TTLL7: variants seen among roughly 807,000 people sequenced by gnomAD.
TTLL7 encodes the protein tubulin polyglutamylase TTLL7.
In TTLL7, 53 loss-of-function variants were observed where a neutral mutation model predicts 120.2. That is an observed-to-expected ratio of 0.44 (90% CI 0.35 to 0.55). The LOEUF (loss-of-function observed/expected upper bound fraction) is 0.55, where lower values mean the gene tolerates loss of function less well. TTLL7 is among the 20% of genes least tolerant of loss of function. The pLI is 0.00. For synonymous variants in TTLL7, 353 were observed against 351.7 expected, an observed-to-expected ratio of 1.00 and a Z score of -0.04; for missense variants, 803 against 1,054.7, an observed-to-expected ratio of 0.76 and a Z score of 3.31.
intron 13 of TTLL7, among the ~76,000 whole-genome samples, chr1:83,918,758 A>G (rs1193285508): frequency 6.6e-6 from 1 of 152,156 alleles, no homozygotes; most frequent in Admixed American, 6.6e-5. Context: ...ACTTTAGGTA[A>G]AAAGTAATGT....
intron 19 of TTLL7, chr1:83,887,130 A>G (rs1655039698): frequency 1.4e-6 from 1 of 691,196 alleles, no homozygotes; most frequent in Non-Finnish European, 1.9e-6. Flanking sequence ...ACAAAGATCT[A>G]CATTACTCTG....
intron 16 of TTLL7, 152 bp from the exon 17 acceptor site, chr1:83,906,615 T>C (rs1472696050): frequency 9.3e-7 from 1 of 1,071,580 alleles, no homozygotes; most frequent in Non-Finnish European, 1.4e-6. Context: ...ACTTGTGAAT[T>C]CTTTGGATTA....
At chr1:83,916,107 G>A (rs1218465730) in intron 14 of TTLL7, among the ~76,000 whole-genome samples, 2 of 152,250 alleles carry the variant, frequency 1.3e-5, no homozygotes, top group East Asian at 1.9e-4. Flanking sequence ...TCTAGAACTA[G>A]AAATACCATT....
chr1:83,936,171 T>C (rs867290772), intron 8 of TTLL7, among the ~76,000 whole-genome samples: 1 of 152,136 alleles, frequency 6.6e-6, no homozygotes, highest in South Asian at 2.1e-4. Flanking sequence ...GTCTTGCTCG[T>C]TTACCTTCTC....
chr1:83,916,251 A>G (rs569100688), intron 14 of TTLL7, among the ~76,000 whole-genome samples: 12 of 152,144 alleles, frequency 7.9e-5, no homozygotes, highest in African/African-American at 2.7e-4. Context: ...CAAATGTTCA[A>G]CAATGATAGA....
intron 9 of TTLL7, among the ~76,000 whole-genome samples, chr1:83,932,564 C>T (rs576976723): frequency 4.1e-5 from 5 of 122,432 alleles, no homozygotes; most frequent in Admixed American, 8.8e-5. Context: ...CACACATAGG[C>T]GCGCGCACAC....
intron 6 of TTLL7, among the ~76,000 whole-genome samples, chr1:83,943,862 A>G (rs868405055): frequency 9.2e-5 from 14 of 152,190 alleles, no homozygotes; most frequent in African/African-American, 3.1e-4. Context: ...AAATTTGTTC[A>G]AAGAGCTAAC....
At chr1:83,893,790 C>T (rs967294564) in intron 18 of TTLL7, among the ~76,000 whole-genome samples, 2 of 152,064 alleles carry the variant, frequency 1.3e-5, no homozygotes, top group African/African-American at 4.8e-5. Context: ...GTTCCAGCTT[C>T]CTGCACTGTG....
At chr1:83,886,417 C>A (rs1321152977) in intron 19 of TTLL7, among the ~76,000 whole-genome samples, 4 of 151,914 alleles carry the variant, frequency 2.6e-5, no homozygotes, top group Admixed American at 6.6e-5. Context: ...ACAGTAATCA[C>A]CAACAGAAAG....
intron 14 of TTLL7, among the ~76,000 whole-genome samples, chr1:83,916,588 T>C (rs1440619120): frequency 1.3e-5 from 2 of 152,056 alleles, no homozygotes; most frequent in Non-Finnish European, 2.9e-5. Flanking sequence ...CATGTATACA[T>C]ATGTAACAAA....
At chr1:83,981,912 A>C (rs570599089) in intron 1 of TTLL7, among the ~76,000 whole-genome samples, 9 of 152,190 alleles carry the variant, frequency 5.9e-5, no homozygotes, top group Non-Finnish European at 1.3e-4. Flanking sequence ...TAAATTAAAA[A>C]TCAGCAAGGA....
chr1:83,998,748 A>C (rs1052948087), intron 1 of TTLL7, among the ~76,000 whole-genome samples, 183 bp downstream of exon 1: 1 of 152,060 alleles, frequency 6.6e-6, no homozygotes, highest in Non-Finnish European at 1.5e-5. Flanking sequence ...TCAGGGCACG[A>C]ATGGTGCTGA....
At chr1:83,992,791 CT>C (rs367737528) in intron 1 of TTLL7, among the ~76,000 whole-genome samples, 2,861 of 101,500 alleles carry the variant, frequency 0.028, 29 homozygotes, top group African/African-American at 0.06. Flanking sequence ...TATTCAAGTT[CT>C]TTTTTTTTTT....
At chr1:83,988,097 C>T (rs968966324) in intron 1 of TTLL7, among the ~76,000 whole-genome samples, 18 of 152,120 alleles carry the variant, frequency 1.2e-4, no homozygotes, top group African/African-American at 3.9e-4. Context: ...CATGAGTACC[C>T]AATGTTTAGC....
At chr1:83,907,859 G>A (rs1283361787) in intron 15 of TTLL7, among the ~76,000 whole-genome samples, 198 bp from the exon 16 acceptor site, 1 of 152,038 alleles carries the variant, frequency 6.6e-6, no homozygotes, top group Non-Finnish European at 1.5e-5. Context: ...AAGAACCCCT[G>A]TAATGTATAA....
chr1:83,955,125 C>T (rs2100869875), intron 1 of TTLL7, among the ~76,000 whole-genome samples: 1 of 152,264 alleles, frequency 6.6e-6, no homozygotes, highest in South Asian at 2.1e-4. Flanking sequence ...ACATAAAATA[C>T]CACTTTTTCC....
In TTLL7 at chr1:83,924,733, G is replaced by A. The variant is rs946469110; in HGVS notation, c.1143-3339C>T. On this transcript the variant is annotated intron_variant, in intron 10 of 20. Transcript: ENST00000260505. ...TAAAATGGTAAATATTATGTTAAGG[G>A]TATTTTACCACAATTTAAAAAAGTC... 5.1e-4 allele frequency among the ~76,000 whole-genome samples: 77 copies of A among 152,060 alleles called. 1 individual carries two copies. The highest frequency in any genetic ancestry group is 1.8e-3 in the African/African-American group (75 of 41,378).
intron 1 of TTLL7, among the ~76,000 whole-genome samples, chr1:83,993,806 T>C (rs1326124631): frequency 1.3e-5 from 2 of 152,206 alleles, no homozygotes; most frequent in African/African-American, 2.4e-5. Context: ...GCCAAAACAA[T>C]TCCAATATCT....
At position 83,923,235 on chromosome 1, in the gene TTLL7, A is replaced by G. The variant is rs147264214; in HGVS notation, c.1143-1841T>C. Among the ~76,000 whole-genome samples, 23 of 139,942 alleles carry G rather than the reference A, an allele frequency of 1.6e-4. No homozygotes were observed. In the East Asian group the frequency reaches 4.5e-3, roughly 27 times the overall value. The allele number at this position is 139,942 out of a possible 152,430, so 91.8% of individuals were successfully genotyped here. A position where few individuals can be genotyped will look rare whatever the true frequency, so the allele number is the denominator to read the frequency against. On this transcript the variant is annotated intron_variant, in intron 10 of 20. Transcript: ENST00000260505. ...TATCATACATCCATTTAAAATGGAT[A>G]AAATTTGTCCATTTTATCTAGAATG...
Sources: gnomAD v4.1 joint callset for allele counts (sites outside exome capture counted in the v4.1 genomes callset) on GRCh38, gnomAD v4.1.1 for gene constraint, MANE v1.5 for transcripts, NCBI Gene and HGNC (gene_info 2026-07-23, HGNC 2026-07-21) for gene names.